B3GALT1: variants seen among roughly 807,000 people sequenced by gnomAD.
The protein encoded by B3GALT1 is beta-1,3-galactosyltransferase 1, also known as UDP-Gal:betaGlcNAc beta 1,3-galactosyltransferase, polypeptide 1.
A neutral mutation model predicts 23.2 loss-of-function variants in B3GALT1; 10 were observed. That is an observed-to-expected ratio of 0.43 (90% CI 0.27 to 0.73). The LOEUF (loss-of-function observed/expected upper bound fraction) is 0.73. Among genes scored for constraint, B3GALT1 ranks in the 30% least tolerant of loss-of-function variants. The pLI, the probability that B3GALT1 is intolerant of heterozygous loss-of-function variation, is 0.21. For missense variants in B3GALT1, 299 were observed against 405.4 expected (o/e 0.74, Z 2.25); for synonymous variants, 156 against 141.5 (o/e 1.10, Z -0.73).
intron 1 of B3GALT1, among the ~76,000 whole-genome samples, chr2:167,435,433 CAAAAAAAAAAAAAAAAAA>C (rs1159357073): frequency 3.8e-5 from 1 of 26,192 alleles, no homozygotes; most frequent in Non-Finnish European, 8.7e-5. Flanking sequence ...CATATGCTTG[CAAAAAAAAAAAAAAAAAA>C]AAAAAAAAAA....
chr2:167,830,933 AAGAACATGGGTG>A (rs1291068311), intron 4 of B3GALT1, among the ~76,000 whole-genome samples: 1 of 152,228 alleles, frequency 6.6e-6, no homozygotes, highest in Non-Finnish European at 1.5e-5. Flanking sequence ...CACCAGTTGT[AAGAACATGGGTG>A]AGCCTCTGAG....
intron 3 of B3GALT1, among the ~76,000 whole-genome samples, chr2:167,695,113 C>G (rs1355600739): frequency 6.6e-6 from 1 of 152,110 alleles, no homozygotes; most frequent in East Asian, 1.9e-4. Flanking sequence ...AATTAAGCAT[C>G]AGTTCTTTTA....
intron 3 of B3GALT1, among the ~76,000 whole-genome samples, chr2:167,693,748 A>C (rs1184913716): frequency 6.6e-6 from 1 of 152,022 alleles, no homozygotes; most frequent in Non-Finnish European, 1.5e-5. Flanking sequence ...CCCTACTTGA[A>C]ATGGTCTCTT....
At chr2:167,827,271 A>G (rs1425167623) in intron 4 of B3GALT1, among the ~76,000 whole-genome samples, 1 of 152,240 alleles carries the variant, frequency 6.6e-6, no homozygotes, top group East Asian at 1.9e-4. Context: ...TTGGGGTACA[A>G]AGAACAAGAC....
chr2:167,731,989 T>G (rs1396312770), intron 3 of B3GALT1, among the ~76,000 whole-genome samples: 1 of 152,220 alleles, frequency 6.6e-6, no homozygotes, highest in Non-Finnish European at 1.5e-5. Flanking sequence ...GAAACACTTT[T>G]GTTAAGCCAG....
At chr2:167,635,210 A>G (rs1685527983) in intron 2 of B3GALT1, among the ~76,000 whole-genome samples, 1 of 152,214 alleles carries the variant, frequency 6.6e-6, no homozygotes, top group Non-Finnish European at 1.5e-5. Context: ...TCAAAAAATA[A>G]GAGCTATTTA....
At chr2:167,766,447 C>A (rs535447352) in intron 3 of B3GALT1, among the ~76,000 whole-genome samples, 1 of 152,160 alleles carries the variant, frequency 6.6e-6, no homozygotes, top group African/African-American at 2.4e-5. Context: ...CTTTATTTCT[C>A]AACATAAGCT....
At chr2:167,321,216 G>T (rs983811007) in intron 1 of B3GALT1, among the ~76,000 whole-genome samples, 1 of 151,930 alleles carries the variant, frequency 6.6e-6, no homozygotes, top group Non-Finnish European at 1.5e-5. Context: ...CTAAGAAAGG[G>T]TATGTATTGA....
chr2:167,369,259 G>T (rs1462712608), intron 1 of B3GALT1, among the ~76,000 whole-genome samples: 1 of 152,094 alleles, frequency 6.6e-6, no homozygotes, highest in Non-Finnish European at 1.5e-5. Flanking sequence ...TAGGATTGAA[G>T]CTGTTTTGGA....
chr2:167,578,344 A>T (rs1245648766), intron 2 of B3GALT1, among the ~76,000 whole-genome samples: 1 of 151,946 alleles, frequency 6.6e-6, no homozygotes, highest in African/African-American at 2.4e-5. Flanking sequence ...CCGAAATCCC[A>T]TGGCAGTAGG....
At chr2:167,668,936 A>G (rs1307635461) in intron 3 of B3GALT1, among the ~76,000 whole-genome samples, 13 of 152,058 alleles carry the variant, frequency 8.5e-5, no homozygotes, top group Non-Finnish European at 1.5e-5. Context: ...GGAGCTATAG[A>G]CTGGAGCTGT....
At chr2:167,595,346 G>T (rs1684758095) in intron 2 of B3GALT1, among the ~76,000 whole-genome samples, 1 of 152,150 alleles carries the variant, frequency 6.6e-6, no homozygotes, top group Admixed American at 6.5e-5. Flanking sequence ...CATATCATGT[G>T]CTGTCTCATT....
chr2:167,592,683 C>A (rs886397927), intron 2 of B3GALT1, among the ~76,000 whole-genome samples: 2 of 152,130 alleles, frequency 1.3e-5, no homozygotes, highest in South Asian at 4.1e-4. Context: ...GTTCTTCAGT[C>A]CTCCAGTCAT....
At chr2:167,660,063 T>A (rs1355932218) in intron 3 of B3GALT1, among the ~76,000 whole-genome samples, 1 of 152,060 alleles carries the variant, frequency 6.6e-6, no homozygotes, top group Non-Finnish European at 1.5e-5. Context: ...CAACTCCTCA[T>A]AGAAGGTGTG....
At chr2:167,765,186 C>G (rs1460603180) in intron 3 of B3GALT1, among the ~76,000 whole-genome samples, 1 of 152,164 alleles carries the variant, frequency 6.6e-6, no homozygotes, top group Non-Finnish European at 1.5e-5. Context: ...CTGCCTGAGA[C>G]CGGACTGCCT....
intron 1 of B3GALT1, among the ~76,000 whole-genome samples, chr2:167,336,011 TAA>T (rs555283831): frequency 1.3e-5 from 2 of 150,740 alleles, no homozygotes; most frequent in Non-Finnish European, 3.0e-5. Context: ...AAGTTTTGAT[TAA>T]AAAAAAACGA....
chr2:167,339,664 CA>C (rs1697117367), intron 1 of B3GALT1, among the ~76,000 whole-genome samples: 1 of 152,040 alleles, frequency 6.6e-6, no homozygotes, highest in African/African-American at 2.4e-5. Context: ...CTAACATAAG[CA>C]AATGAATGTT....
At chr2:167,436,390 C>G (rs1574077709) in intron 1 of B3GALT1, among the ~76,000 whole-genome samples, 4 of 152,262 alleles carry the variant, frequency 2.6e-5, no homozygotes, top group Non-Finnish European at 1.5e-5. Flanking sequence ...GACTTGCTCC[C>G]TCATTACTTT....
intron 2 of B3GALT1, among the ~76,000 whole-genome samples, chr2:167,641,197 T>G (rs1448274384): frequency 6.6e-6 from 1 of 152,182 alleles, no homozygotes; most frequent in African/African-American, 2.4e-5. Context: ...CAGCACTATT[T>G]TAATAACCTC....
Sources: allele counts gnomAD v4.1 joint callset (sites outside exome capture counted in the v4.1 genomes callset), GRCh38; gene constraint gnomAD v4.1.1; transcripts MANE v1.5; gene names NCBI Gene and HGNC (gene_info 2026-07-23, HGNC 2026-07-21).